The following ERG variants were observed in gnomAD, a reference collection of about 807,000 sequenced individuals.
ERG encodes transcriptional regulator ERG.
Under a neutral mutation model 55.3 loss-of-function variants are expected in ERG, and 9 were observed. That is an observed-to-expected ratio of 0.16 (90% CI 0.10 to 0.28). The LOEUF (loss-of-function observed/expected upper bound fraction) is 0.28. Ranked by LOEUF, ERG falls within the 10% of genes least tolerant of loss-of-function variation. The pLI is 1.00. For synonymous variants in ERG, 223 were observed against 237.3 expected, an observed-to-expected ratio of 0.94 and a Z score of 0.55; for missense variants, 434 against 631.6, an observed-to-expected ratio of 0.69 and a Z score of 3.35.
In ERG at chr21:38,382,642, G is replaced by T; in HGVS notation, c.*761C>A. On this transcript the variant is annotated 3_prime_UTR_variant, in exon 10 of 10. Transcript: ENST00000288319. ...GTCCTGAGTCCAGTCTTCATTGCTT[G>T]AGAAGTTTCTTTCCCAGCCCTGGTC... 1 of 1,066,874 alleles carries T rather than the reference G, an allele frequency of 9.4e-7. No homozygotes were observed. 66.1% of individuals were successfully genotyped at this position (1,066,874 alleles called of 1,614,324 possible).
intron 2 of ERG, among the ~76,000 whole-genome samples, chr21:38,573,293 C>T (rs557900384): frequency 6.6e-4 from 100 of 152,268 alleles, no homozygotes; most frequent in African/African-American, 2.1e-3. Flanking sequence ...TCCCCCAGCC[C>T]GACACCCGTA....
intron 1 of ERG, among the ~76,000 whole-genome samples, chr21:38,626,094 G>A (rs781077545): frequency 5.9e-5 from 9 of 151,710 alleles, no homozygotes; most frequent in East Asian, 3.9e-4. Context: ...GCTAATTTTT[G>A]TATTTTTAGT....
intron 2 of ERG, among the ~76,000 whole-genome samples, chr21:38,517,686 G>A (rs2059562185): frequency 6.6e-6 from 1 of 152,100 alleles, no homozygotes; most frequent in African/African-American, 2.4e-5. Context: ...ATTTACCATA[G>A]CAAAGACATG....
At chr21:38,508,002 C>CACACAGAGACACACAA (rs2059479059) in intron 2 of ERG, among the ~76,000 whole-genome samples, 1 of 1,008 alleles carries the variant, frequency 9.9e-4, no homozygotes, top group African/African-American at 4.5e-3. Flanking sequence ...CACACATGCA[C>CACACAGAGACACACAA]ACACACAGAG....
At chr21:38,373,414 A>T in the ERG span, among the ~76,000 whole-genome samples, 1 of 152,202 alleles carries the variant, frequency 6.6e-6, no homozygotes, top group East Asian at 1.9e-4. Context: ...GAGACGTAAG[A>T]TCTGGTAATA....
chr21:38,497,387 A>G (rs1183760396), intron 1 of ERG, among the ~76,000 whole-genome samples: 1 of 152,206 alleles, frequency 6.6e-6, no homozygotes, highest in African/African-American at 2.4e-5. Flanking sequence ...GACATGCAAC[A>G]AACACAATTT....
At chr21:38,559,566 AC>A (rs2059879949) in intron 2 of ERG, among the ~76,000 whole-genome samples, 1 of 152,198 alleles carries the variant, frequency 6.6e-6, no homozygotes, top group African/African-American at 2.4e-5. Context: ...TTTAACGTCA[AC>A]CTTAAATAAC....
chr21:38,635,969 C>T (rs1402429739), intron 1 of ERG, among the ~76,000 whole-genome samples: 1 of 152,116 alleles, frequency 6.6e-6, no homozygotes, highest in Non-Finnish European at 1.5e-5. Flanking sequence ...TGTCCCCATC[C>T]AAATCTCATA....
intron 1 of ERG, chr21:38,471,756 A>G (rs1465336021): frequency 6.6e-6 from 1 of 152,260 alleles, no homozygotes; most frequent in Non-Finnish European, 1.5e-5. Flanking sequence ...TGGCCAAAAA[A>G]AATGAACATG....
At chr21:38,614,578 C>T (rs545109501) in intron 1 of ERG, among the ~76,000 whole-genome samples, 1 of 152,340 alleles carries the variant, frequency 6.6e-6, no homozygotes, top group South Asian at 2.1e-4. Context: ...CCTTGAGCAG[C>T]CACCCTGGGA....
chr21:38,565,381 A>G (rs189127323), intron 2 of ERG, among the ~76,000 whole-genome samples: 1 of 152,224 alleles, frequency 6.6e-6, no homozygotes, highest in African/African-American at 2.4e-5. Context: ...CACATCTGCT[A>G]TGAACCTTCC....
chr21:38,517,450 CA>C (rs1281024231), intron 2 of ERG, among the ~76,000 whole-genome samples: 1 of 151,828 alleles, frequency 6.6e-6, no homozygotes, highest in Non-Finnish European at 1.5e-5. Flanking sequence ...ATTAAAAAGA[CA>C]AAAAATAACA....
At chr21:38,430,469 A>G (rs1175949465) in intron 2 of ERG, among the ~76,000 whole-genome samples, 3 of 152,194 alleles carry the variant, frequency 2.0e-5, no homozygotes, top group African/African-American at 4.8e-5. Flanking sequence ...ATTCTTGGTC[A>G]TGAACTGTTA....
intron 2 of ERG, among the ~76,000 whole-genome samples, chr21:38,429,362 AATATGTACACATATACATAT>A (rs1053490112): frequency 7.4e-6 from 1 of 135,904 alleles, no homozygotes; most frequent in African/African-American, 2.7e-5. Flanking sequence ...ATACATATAT[AATATGTACACATATACATAT>A]ATATGTACAC....
chr21:38,542,404 A>G (rs542713424), intron 2 of ERG, among the ~76,000 whole-genome samples: 40 of 152,334 alleles, frequency 2.6e-4, no homozygotes, highest in African/African-American at 8.9e-4. Flanking sequence ...TGGCTTGTTT[A>G]TGAATCCTGC....
intron 2 of ERG, among the ~76,000 whole-genome samples, chr21:38,536,060 T>C (rs77167578): frequency 0.013 from 2,054 of 152,286 alleles, 48 homozygotes; most frequent in African/African-American, 0.046. Flanking sequence ...ATGTGGGCCA[T>C]GGACCATGAG....
At position 38,575,684 on chromosome 21, in the gene ERG, G is replaced by A. The variant is rs201302788; in HGVS notation, c.-63C>T. ...TACCTTGATATGAGCTGCTGGGTCC[G>A]GGACAGTCTGAATCATGTCCTTCAG... On this transcript the variant is annotated 5_prime_UTR_variant, in exon 2 of 9. Transcript: ENST00000398897. 259 of 1,613,682 alleles carry A rather than the reference G, an allele frequency of 1.6e-4. No individual in the cohort carries two copies. The highest frequency in any genetic ancestry group is 2.1e-4 in the Non-Finnish European group (252 of 1,179,794).
At chr21:38,476,363 C>T (rs557292181) in intron 1 of ERG, among the ~76,000 whole-genome samples, 13 of 152,292 alleles carry the variant, frequency 8.5e-5, no homozygotes, top group Admixed American at 5.2e-4. Flanking sequence ...ATTGTCTCCA[C>T]GTTTAGGTTT....
intron 1 of ERG, among the ~76,000 whole-genome samples, chr21:38,480,359 C>T (rs895338177): frequency 6.6e-6 from 1 of 152,106 alleles, no homozygotes; most frequent in Admixed American, 6.6e-5. Flanking sequence ...AGGCAACCCC[C>T]GGAGCTGGAG....
Sources: allele counts gnomAD v4.1 joint callset (sites outside exome capture counted in the v4.1 genomes callset), GRCh38; gene constraint gnomAD v4.1.1; transcripts MANE v1.5; gene names NCBI Gene and HGNC (gene_info 2026-07-23, HGNC 2026-07-21).